CACNA1A: variants seen among roughly 807,000 people sequenced by gnomAD.
CACNA1A encodes calcium voltage-gated channel subunit alpha1 A.
CACNA1A carries 57 observed loss-of-function variants against 262.4 expected under a neutral mutation model. The observed-to-expected ratio is 0.22, with a 90% CI of 0.18 to 0.27. The LOEUF (loss-of-function observed/expected upper bound fraction) is 0.27, where lower values mean the gene tolerates loss of function less well. Ranked by LOEUF, CACNA1A falls within the 10% of genes least tolerant of loss-of-function variation. The pLI is 1.00. For missense variants in CACNA1A, 2,526 were observed against 3,562.8 expected, an observed-to-expected ratio of 0.71 and a Z score of 7.41; for synonymous variants, 1,431 against 1,419.3, an observed-to-expected ratio of 1.01 and a Z score of -0.18.
rs762396014 is a variant in CACNA1A, at chr19:13,298,754, G to A, written c.2879C>T (p.Ala960Val). 9.9e-6 allele frequency: 15 copies of A among 1,511,088 alleles called. No homozygotes were observed. Among genetic ancestry groups the A allele is most frequent in the South Asian group, 3.7e-5 (3 of 80,836 alleles). The allele number at this position is 1,511,088 out of a possible 1,614,324, so 93.6% of individuals were successfully genotyped here. A position where few individuals can be genotyped will look rare whatever the true frequency, so the allele number is the denominator to read the frequency against. ...GADGEHRRHRAHRRPGEEGPE... is the reference protein window; with the variant it reads ...GADGEHRRHRVHRRPGEEGPE... ...ACCCTCCTCCCCGGGCCTGCGGTGCGCGCGATGACGTCGATGCTCCCCGTC... is the reference window on the plus strand; with the variant it reads ...ACCCTCCTCCCCGGGCCTGCGGTGCACGCGATGACGTCGATGCTCCCCGTC... The change falls in exon 19 of 47, where the codon GCG becomes GTG. Residue 960 changes from alanine (A) to valine (V), a missense_variant. By Grantham distance (64) the Ala-to-Val change is moderately conservative. Around this residue, in one of 17 missense-constraint regions of CACNA1A, gnomAD observed 765 missense variants for 748.6 expected, o/e 1.02. Transcript: ENST00000360228.
chr19:13,291,442 G>A (rs563778771), intron 19 of CACNA1A, among the ~76,000 whole-genome samples: 1 of 151,774 alleles, frequency 6.6e-6, no homozygotes, highest in Non-Finnish European at 1.5e-5. Flanking sequence ...GGTTCAGAGA[G>A]GCAAAGTTAC....
chr19:13,401,972 C>T (rs1436433176), intron 3 of CACNA1A, among the ~76,000 whole-genome samples: 11 of 152,208 alleles, frequency 7.2e-5, no homozygotes, highest in Admixed American at 4.6e-4. Flanking sequence ...CCACCACATC[C>T]GGCCACCAGT....
chr19:13,458,699 A>G (rs1390035103), intron 1 of CACNA1A, among the ~76,000 whole-genome samples: 1 of 152,102 alleles, frequency 6.6e-6, no homozygotes, highest in Non-Finnish European at 1.5e-5. Context: ...GTCCCACCAG[A>G]GGATCTGCAG....
intron 38 of CACNA1A, among the ~76,000 whole-genome samples, chr19:13,224,350 G>T (rs2055351734): frequency 6.6e-6 from 1 of 151,536 alleles, no homozygotes; most frequent in African/African-American, 2.4e-5. Context: ...AGCCGAGTAT[G>T]GTGGTGTGTG....
At chr19:13,365,702 C>G (rs2059198843) in intron 4 of CACNA1A, 1 of 428,034 alleles carries the variant, frequency 2.3e-6, no homozygotes. Context: ...GGGTTTTGCA[C>G]TGCTGCCCAG....
At chr19:13,248,548 T>A (rs897212981) in intron 30 of CACNA1A, among the ~76,000 whole-genome samples, 6 of 148,428 alleles carry the variant, frequency 4.0e-5, no homozygotes, top group African/African-American at 1.5e-4. Context: ...CAACTCAGAA[T>A]AAAATAACTG....
In CACNA1A at chr19:13,506,276, A is replaced by ACGCCGCCGC. The variant is rs16000; in HGVS notation, c.-61_-53dup. ...TACGCTGCGGCGAACGATGCGGAAG[A>ACGCCGCCGC]CGCCGCCGCCGCCGCCGCCGCCGCT... On this transcript the variant is annotated 5_prime_UTR_variant, in exon 1 of 47. Transcript: ENST00000360228. 3.9e-4 allele frequency: 524 copies of ACGCCGCCGC among 1,354,690 alleles called. 1 individual carries two copies. The South Asian group carries it at 7.1e-3, about 18-fold the overall frequency. The allele number at this position is 1,354,690 out of a possible 1,614,324, so 83.9% of individuals were successfully genotyped here.
Position 13,224,570 on chromosome 19 carries a change from G to A in CACNA1A, c.5731+97C>T, listed in dbSNP as rs1317714803. On this transcript the variant is annotated intron_variant, in intron 38 of 46. Coordinates refer to ENST00000360228, the MANE Select transcript of CACNA1A (RefSeq NM_001127222.2). ...TGAATGGAAGAGTGAATGAAGATCCGGGTGGTGACAGCAGATCCTCTAGTT... is the reference window on the plus strand; with the variant it reads ...TGAATGGAAGAGTGAATGAAGATCCAGGTGGTGACAGCAGATCCTCTAGTT... The A allele has an allele frequency of 1.4e-5, 11 of 772,648 alleles. No homozygotes were observed. The Admixed American group carries it at 1.5e-4, about 11-fold the overall frequency. 47.9% of individuals were successfully genotyped at this position (772,648 alleles called of 1,614,324 possible). A position where few individuals can be genotyped will look rare whatever the true frequency, so the allele number is the denominator to read the frequency against.
chr19:13,275,987 C>G (rs960265372), intron 23 of CACNA1A, 31 bp from the exon 24 acceptor site: 1 of 1,477,688 alleles, frequency 6.8e-7, no homozygotes. Context: ...TGCTCAGAAC[C>G]CCCACCTGAT....
intron 36 of CACNA1A, among the ~76,000 whole-genome samples, chr19:13,228,098 G>C (rs2055532904): frequency 6.6e-6 from 1 of 151,678 alleles, no homozygotes; most frequent in African/African-American, 2.4e-5. Context: ...TAGAGAAGGG[G>C]GTTCTTGCTA....
chr19:13,436,548 C>T (rs2060615821), intron 3 of CACNA1A, among the ~76,000 whole-genome samples: 1 of 140,824 alleles, frequency 7.1e-6, no homozygotes, highest in Non-Finnish European at 1.5e-5. Context: ...TTCATTCACT[C>T]ATTCATTCAT....
At chr19:13,229,947 C>T in intron 36 of CACNA1A, 135 bp downstream of exon 36, 1 of 970,844 alleles carries the variant, frequency 1.0e-6, no homozygotes, top group Non-Finnish European at 1.5e-6. Context: ...TATCTTCTCT[C>T]CTGACTGAAC....
At chr19:13,501,415 C>T (rs1277526248) in intron 1 of CACNA1A, among the ~76,000 whole-genome samples, 5 of 152,004 alleles carry the variant, frequency 3.3e-5, no homozygotes, top group Admixed American at 6.6e-5. Context: ...ACCTCATGAT[C>T]CACCGGCCTC....
intron 7 of CACNA1A, among the ~76,000 whole-genome samples, chr19:13,334,726 C>T (rs555658554): frequency 1.2e-3 from 187 of 151,888 alleles, no homozygotes; most frequent in Middle Eastern, 6.8e-3. Context: ...ACACATTTCC[C>T]GACAACTGTG....
Position 13,317,268 on chromosome 19 carries a change from A to T in CACNA1A, c.1399T>A (p.Phe467Ile), listed in dbSNP as rs755377995. The stretch of plus-strand genomic sequence containing the variant: ...ATCCTCCTCTCCTTTTTGTGAAAAA[A>T]GGTCGAGTTCTCCAGCTTGGCACTT... ...IKSAKLENSTFFHKKERRMRF... is the reference protein window; with the variant it reads ...IKSAKLENSTIFHKKERRMRF... The change falls in exon 11 of 47, where the codon TTT becomes ATT. Residue 467 changes from phenylalanine (F) to isoleucine (I), a missense_variant. Transcript: ENST00000360228. The T allele has an allele frequency of 6.2e-7, 1 of 1,612,864 alleles. No individual in the cohort carries two copies. Among genetic ancestry groups the T allele is most frequent in the South Asian group, 1.1e-5 (1 of 91,034 alleles).
At chr19:13,284,070 T>C (rs1568492543) in intron 21 of CACNA1A, 1 of 152,186 alleles carries the variant, frequency 6.6e-6, no homozygotes, top group East Asian at 1.9e-4. Context: ...GTTGTGTGAA[T>C]GGCAGCAGAG....
intron 28 of CACNA1A, among the ~76,000 whole-genome samples, chr19:13,255,833 C>T (rs2056549328): frequency 7.1e-6 from 1 of 141,362 alleles, no homozygotes; most frequent in Non-Finnish European, 1.5e-5. Flanking sequence ...TCCCTTCATT[C>T]CTTCCACCCT....
intron 19 of CACNA1A, among the ~76,000 whole-genome samples, chr19:13,289,327 T>C (rs1326592511): frequency 2.0e-5 from 3 of 151,900 alleles, no homozygotes. Flanking sequence ...TTTTTCTTTT[T>C]GTAGAGATGA....
chr19:13,285,876 C>T (rs924349884), intron 20 of CACNA1A, among the ~76,000 whole-genome samples: 7 of 151,772 alleles, frequency 4.6e-5, no homozygotes, highest in African/African-American at 1.7e-4. Context: ...AGCCTTTATC[C>T]AGCAAACTCA....
Sources: gnomAD v4.1 joint callset for allele counts (sites outside exome capture counted in the v4.1 genomes callset) on GRCh38, gnomAD v4.1.1 for gene constraint, gnomAD v4.1.1 regional missense constraint, MANE v1.5 for transcripts, NCBI Gene and HGNC (gene_info 2026-07-23, HGNC 2026-07-21) for gene names.